The following KLHL5 variants were observed in gnomAD, a reference collection of about 807,000 sequenced individuals.
KLHL5 encodes the protein kelch-like protein 5.
A neutral mutation model predicts 77.7 loss-of-function variants in KLHL5; 48 were observed. The observed-to-expected ratio is 0.62, with a 90% CI of 0.49 to 0.79. The LOEUF is 0.79. Ranked by LOEUF, KLHL5 falls within the 30% of genes least tolerant of loss-of-function variation. KLHL5 has a pLI of 0.00. For synonymous variants in KLHL5, 260 were observed against 297.0 expected (o/e 0.88, Z 1.28); for missense variants, 723 against 859.7 (o/e 0.84, Z 1.99).
At position 39,125,649 on chromosome 4, in the gene KLHL5, A is replaced by G. The variant is rs990838784; in HGVS notation, c.*4583A>G. On this transcript the variant is annotated 3_prime_UTR_variant, in exon 11 of 11. Coordinates refer to ENST00000504108, the MANE Select transcript of KLHL5 (RefSeq NM_015990.5). ...TATATGAAATATCCAAAATAGGCAAATCCATGGAGACAGAAAGCAGATAAA... is the reference window on the plus strand; with the variant it reads ...TATATGAAATATCCAAAATAGGCAAGTCCATGGAGACAGAAAGCAGATAAA... Among the ~76,000 whole-genome samples the G allele has an allele frequency of 6.6e-6, 1 of 152,210 alleles. No homozygotes were observed. The highest frequency in any genetic ancestry group is 1.5e-5 in the Non-Finnish European group (1 of 68,048).
chr4:39,075,059 C>T (rs2712010), intron 1 of KLHL5, among the ~76,000 whole-genome samples: 111,945 of 151,924 alleles, frequency 0.74, 41,348 homozygotes, highest in East Asian at 0.82. Context: ...CAGGTGGGTG[C>T]GGTGGCTCAC....
Position 39,124,542 on chromosome 4 carries a change from G to C in KLHL5, c.*3476G>C, listed in dbSNP as rs1723409663. Among the ~76,000 whole-genome samples, 2 of 152,002 alleles carry C rather than the reference G, an allele frequency of 1.3e-5. No homozygotes were observed. The highest frequency in any genetic ancestry group is 6.6e-5 in the Admixed American group (1 of 15,254). On this transcript the variant is annotated 3_prime_UTR_variant, in exon 11 of 11. Coordinates refer to ENST00000504108, the MANE Select transcript of KLHL5 (RefSeq NM_015990.5). ...ACTATGGTCAATTGATTTTTGACAA[G>C]GGTTCCAGGACCATTCAATGAAGAA...
At chr4:39,045,623 C>T (rs1039498860) in intron 1 of KLHL5, among the ~76,000 whole-genome samples, 5 of 152,186 alleles carry the variant, frequency 3.3e-5, no homozygotes, top group African/African-American at 4.8e-5. Flanking sequence ...CCCGGCGTGC[C>T]TGGTGAAACT....
intron 1 of KLHL5, among the ~76,000 whole-genome samples, chr4:39,074,819 C>A (rs933042532): frequency 2.6e-5 from 4 of 152,040 alleles, no homozygotes; most frequent in African/African-American, 9.7e-5. Flanking sequence ...ACCATCATAT[C>A]CTTAAAAGAA....
At chr4:39,061,323 G>A (rs1183857880), upstream of KLHL5, among the ~76,000 whole-genome samples, 1 of 152,150 alleles carries the variant, frequency 6.6e-6, no homozygotes, top group African/African-American at 2.4e-5. Context: ...ATTGCCTTTT[G>A]TATGGAATTA....
At chr4:39,119,866 A>T (rs1263139664) in intron 10 of KLHL5, among the ~76,000 whole-genome samples, 1 of 152,212 alleles carries the variant, frequency 6.6e-6, no homozygotes, top group East Asian at 1.9e-4. Context: ...TGACATTTTG[A>T]TATAAATGAT....
At chr4:39,132,532 C>T in the KLHL5 span, among the ~76,000 whole-genome samples, 1 of 151,900 alleles carries the variant, frequency 6.6e-6, no homozygotes, top group Non-Finnish European at 1.5e-5. Context: ...TCACTTGAGC[C>T]CAGGAGCAGA....
chr4:39,070,365 A>G (rs1483683874), intron 1 of KLHL5, among the ~76,000 whole-genome samples: 1 of 152,148 alleles, frequency 6.6e-6, no homozygotes, highest in African/African-American at 2.4e-5. Context: ...TATCTTTTCA[A>G]ATGGCTCCAT....
In KLHL5 at chr4:39,081,076, AT is replaced by A. The variant is rs750116500; in HGVS notation, c.567-17del. 4.0e-4 allele frequency: 590 copies of A among 1,485,050 alleles called. No individual in the cohort carries two copies. The highest frequency in any genetic ancestry group is 9.4e-4 in the Admixed American group (45 of 47,676). 92.0% of individuals were successfully genotyped at this position (1,485,050 alleles called of 1,614,324 possible). The stretch of plus-strand genomic sequence containing the variant: ...AACATCAACTCGAATGTGGTCATTG[AT>A]TTTTTTTTTCCTAATGTGTTCACAG... On this transcript the variant is annotated intron_variant, in intron 2 of 10. Transcript: ENST00000504108. The surrounding 1 kb of genome is among the most constrained non-coding windows in gnomAD (Gnocchi z 4.3).
rs1577745928 is a variant in KLHL5 at position 39,115,727 on chromosome 4, C to A, written c.2073+397C>A. ...GCAGTCGGATTTTTAAATACTCAAC[C>A]CATTGATATCTGGGAGCAGATTAAA... On this transcript the variant is annotated intron_variant, in intron 10 of 10. Coordinates refer to ENST00000504108, the MANE Select transcript of KLHL5 (RefSeq NM_015990.5). 3 of 1,147,702 alleles carry A rather than the reference C, an allele frequency of 2.6e-6. No individual in the cohort carries two copies. In the East Asian group the frequency reaches 1.8e-4, roughly 70 times the overall value. The allele number at this position is 1,147,702 out of a possible 1,614,324, so 71.1% of individuals were successfully genotyped here.
At chr4:39,083,914 G>A (rs913738220) in intron 4 of KLHL5, among the ~76,000 whole-genome samples, 3 of 151,792 alleles carry the variant, frequency 2.0e-5, no homozygotes, top group African/African-American at 7.3e-5. Context: ...TTTTTCTCAA[G>A]GCCATTATTT....
intron 9 of KLHL5, among the ~76,000 whole-genome samples, chr4:39,113,518 G>A (rs912302554): frequency 6.6e-6 from 1 of 152,170 alleles, no homozygotes; most frequent in Non-Finnish European, 1.5e-5. Flanking sequence ...CTTAAGGGCT[G>A]TAGACTAAAT....
At position 39,124,848 on chromosome 4, in the gene KLHL5, T is replaced by G. The variant is rs975667529; in HGVS notation, c.*3782T>G. ...AAAATCAAAATTAAAAGCTTCTACA[T>G]ATCAAGGGACACTATGAAGAAAGTG... On this transcript the variant is annotated 3_prime_UTR_variant, in exon 11 of 11. Coordinates refer to ENST00000504108, the MANE Select transcript of KLHL5 (RefSeq NM_015990.5). 8.1e-6 allele frequency among the ~76,000 whole-genome samples: 1 copy of G among 123,244 alleles called. No homozygotes were observed. The highest frequency in any genetic ancestry group is 8.0e-5 in the Admixed American group (1 of 12,500). 80.9% of individuals were successfully genotyped at this position (123,244 alleles called of 152,430 possible).
At chr4:39,102,473 ATCCGTACTTACCC>A (rs1207855075) in intron 6 of KLHL5, among the ~76,000 whole-genome samples, 4 of 149,926 alleles carry the variant, frequency 2.7e-5, no homozygotes, top group Admixed American at 2.7e-4. Flanking sequence ...AAAGTACCCG[ATCCGTACTTACCC>A]CGCCCTTGCT....
At chr4:39,095,037 A>G (rs1720927879) in intron 5 of KLHL5, among the ~76,000 whole-genome samples, 1 of 152,184 alleles carries the variant, frequency 6.6e-6, no homozygotes, top group Non-Finnish European at 1.5e-5. Context: ...TGGCAAAAGT[A>G]TTATGAAACA....
In KLHL5 at chr4:39,062,476, AT is replaced by A; in HGVS notation, c.-176del. On this transcript the variant is annotated 5_prime_UTR_variant, in exon 1 of 11. An upstream open reading frame in the 5' UTR loses its in-frame stop. Coordinates refer to ENST00000504108, the MANE Select transcript of KLHL5 (RefSeq NM_015990.5). ...TATTCATTATCCTTTGTTCTTTAAA[AT>A]CTGATATATTGGCATAAAAGTAATT... 1 of 1,574,962 alleles carries A rather than the reference AT, an allele frequency of 6.3e-7. No individual in the cohort carries two copies. Among genetic ancestry groups the A allele is most frequent in the Non-Finnish European group, 8.6e-7 (1 of 1,161,980 alleles).
At chr4:39,089,648 G>A (rs1265206230) in intron 5 of KLHL5, among the ~76,000 whole-genome samples, 1 of 152,204 alleles carries the variant, frequency 6.6e-6, no homozygotes, top group Admixed American at 6.5e-5. Context: ...CTTTGCTACA[G>A]AGAAGACAAG....
In KLHL5 at chr4:39,103,517, T is replaced by G. The variant is rs540281845; in HGVS notation, c.1525+6T>G. ...CACACATAGACATGGCCTTGGTAAG[T>G]ACAACTATGCAGATTCACTCAAAAT... On this transcript the variant is annotated splice_donor_region_variant and intron_variant, in intron 7 of 10. Coordinates refer to ENST00000504108, the MANE Select transcript of KLHL5 (RefSeq NM_015990.5). 6.2e-7 allele frequency: 1 copy of G among 1,606,648 alleles called. No individual in the cohort carries two copies. Among genetic ancestry groups the G allele is most frequent in the Non-Finnish European group, 8.5e-7 (1 of 1,173,378 alleles).
chr4:39,046,815 A>G (rs1367513971), intron 1 of KLHL5, among the ~76,000 whole-genome samples: 3 of 152,216 alleles, frequency 2.0e-5, no homozygotes, highest in Non-Finnish European at 4.4e-5. Flanking sequence ...TAGGAGAGTG[A>G]TAAAACTGTT....
Sources: gnomAD v4.1 joint callset for allele counts (sites outside exome capture counted in the v4.1 genomes callset) on GRCh38, gnomAD v4.1.1 for gene constraint, Gnocchi (gnomAD v3.1) non-coding constraint, MANE v1.5 for transcripts, NCBI Gene and HGNC (gene_info 2026-07-23, HGNC 2026-07-21) for gene names.